PIGU: variants seen among roughly 807,000 people sequenced by gnomAD.
PIGU encodes the protein phosphatidylinositol glycan anchor biosynthesis class U.
A neutral mutation model predicts 49.9 loss-of-function variants in PIGU; 24 were observed. The observed-to-expected ratio is 0.48, with a 90% CI of 0.35 to 0.68. PIGU has a LOEUF of 0.68. Among genes scored for constraint, PIGU ranks in the 30% least tolerant of loss-of-function variants. PIGU has a pLI of 0.01. For synonymous variants in PIGU, 220 were observed against 205.7 expected (o/e 1.07, Z -0.59); for missense variants, 490 against 532.6 (o/e 0.92, Z 0.79).
At chr20:34,669,367 A>G (rs1206379321) in intron 1 of PIGU, among the ~76,000 whole-genome samples, 1 of 152,126 alleles carries the variant, frequency 6.6e-6, no homozygotes, top group Admixed American at 6.6e-5. Context: ...AATGATTTCA[A>G]GTAAAAAGCT....
intron 7 of PIGU, among the ~76,000 whole-genome samples, chr20:34,590,731 A>G (rs1050593029): frequency 6.6e-6 from 1 of 151,732 alleles, no homozygotes; most frequent in African/African-American, 2.4e-5. Flanking sequence ...CTTAAAATAT[A>G]AGACACAGAG....
chr20:34,590,770 C>A (rs1472970810), intron 7 of PIGU, among the ~76,000 whole-genome samples: 1 of 152,108 alleles, frequency 6.6e-6, no homozygotes, highest in Non-Finnish European at 1.5e-5. Context: ...TGCCTGTAAT[C>A]CCAGCACTTT....
chr20:34,641,599 G>C lies in PIGU; in HGVS notation c.318+2565C>G, dbSNP rs185220720. Reference sequence around the variant, plus strand: ...AGTCCGCAGGCTAACAGCTGGAGAGGGGGTGGGGGTGCAGTCCCCTCTCTG... The same window carrying C: ...AGTCCGCAGGCTAACAGCTGGAGAGCGGGTGGGGGTGCAGTCCCCTCTCTG... On this transcript the variant is annotated intron_variant, in intron 4 of 11. Coordinates refer to ENST00000217446, the MANE Select transcript of PIGU (RefSeq NM_080476.5). Among the ~76,000 whole-genome samples, 9 of 152,228 alleles carry C rather than the reference G, an allele frequency of 5.9e-5. No homozygotes were observed. In the East Asian group the frequency reaches 1.4e-3, roughly 23 times the overall value.
intron 7 of PIGU, 50 bp from the exon 8 acceptor site, chr20:34,588,657 G>C (rs747836195): frequency 1.3e-6 from 2 of 1,536,248 alleles, no homozygotes; most frequent in Non-Finnish European, 1.8e-6. Context: ...ACAACAGAGG[G>C]CAGCTATTAG....
At chr20:34,576,592 C>T (rs759867745) in intron 10 of PIGU, among the ~76,000 whole-genome samples, 3 of 152,166 alleles carry the variant, frequency 2.0e-5, no homozygotes, top group Non-Finnish European at 4.4e-5. Context: ...CAGACCTTCT[C>T]TTCTGCCTCC....
chr20:34,620,741 G>A (rs910177951), intron 6 of PIGU, among the ~76,000 whole-genome samples: 1 of 150,470 alleles, frequency 6.6e-6, no homozygotes, highest in Non-Finnish European at 1.5e-5. Flanking sequence ...AACCCGGGAG[G>A]CAGAGCTTGC....
At chr20:34,617,895 G>A (rs1196169180) in intron 6 of PIGU, among the ~76,000 whole-genome samples, 3 of 152,124 alleles carry the variant, frequency 2.0e-5, no homozygotes, top group South Asian at 2.1e-4. Context: ...TGCTATTCTC[G>A]TAATAGTGAA....
Position 34,575,084 on chromosome 20 carries a change from C to A in PIGU, c.1194+20G>T. 6.2e-7 allele frequency: 1 copy of A among 1,612,860 alleles called. No homozygotes were observed. The highest frequency in any genetic ancestry group is 1.1e-5 in the South Asian group (1 of 90,980). Reference sequence around the variant, plus strand: ...AATGAATTCCTGTCCCCAAGCTGACCCCCATGCTGTCCCTCTTACCTGCCC... The same window carrying A: ...AATGAATTCCTGTCCCCAAGCTGACACCCATGCTGTCCCTCTTACCTGCCC... On this transcript the variant is annotated intron_variant, in intron 11 of 11. Coordinates refer to ENST00000217446, the MANE Select transcript of PIGU (RefSeq NM_080476.5).
intron 2 of PIGU, among the ~76,000 whole-genome samples, chr20:34,648,834 C>G (rs1986439177): frequency 6.6e-6 from 1 of 152,066 alleles, no homozygotes. Context: ...CAGGCATGAG[C>G]CACTGCACCT....
At chr20:34,572,924 C>T (rs1459142277) in intron 11 of PIGU, among the ~76,000 whole-genome samples, 2 of 152,192 alleles carry the variant, frequency 1.3e-5, no homozygotes, top group Admixed American at 1.3e-4. Context: ...TGCAAAGACA[C>T]ATACCAAACT....
chr20:34,619,551 G>A (rs368014177), intron 6 of PIGU, among the ~76,000 whole-genome samples: 27 of 152,336 alleles, frequency 1.8e-4, no homozygotes, highest in Middle Eastern at 3.4e-3. Context: ...AGAGGATGGA[G>A]GCTAATGCTC....
At chr20:34,617,158 G>A (rs780630172) in intron 6 of PIGU, among the ~76,000 whole-genome samples, 21 of 152,218 alleles carry the variant, frequency 1.4e-4, no homozygotes, top group Non-Finnish European at 2.8e-4. Context: ...ATGCGGAAGC[G>A]AAATGTGGGG....
intron 1 of PIGU, among the ~76,000 whole-genome samples, chr20:34,658,041 G>A (rs1015276895): frequency 2.6e-5 from 4 of 151,208 alleles, no homozygotes; most frequent in Non-Finnish European, 2.9e-5. Flanking sequence ...CTCTGATGCC[G>A]AGCCGAAGCT....
intron 11 of PIGU, among the ~76,000 whole-genome samples, chr20:34,566,517 C>T (rs974108474): frequency 6.6e-6 from 1 of 152,140 alleles, no homozygotes; most frequent in Non-Finnish European, 1.5e-5. Flanking sequence ...AGAAGTAGAA[C>T]GAAACCCTCA....
intron 11 of PIGU, chr20:34,562,685 G>C (rs1982578430): frequency 1.5e-5 from 11 of 730,558 alleles, no homozygotes; most frequent in Non-Finnish European, 2.3e-5. Context: ...CCAGAAAGGT[G>C]GTCTGCCTGG....
chr20:34,630,881 G>A (rs1235373321), intron 6 of PIGU, among the ~76,000 whole-genome samples: 2 of 152,070 alleles, frequency 1.3e-5, no homozygotes, highest in African/African-American at 4.8e-5. Context: ...CTGGCCTCAA[G>A]CAATCCTCCC....
intron 1 of PIGU, among the ~76,000 whole-genome samples, chr20:34,658,682 GC>G: frequency 6.7e-6 from 1 of 149,842 alleles, no homozygotes; most frequent in Non-Finnish European, 1.5e-5. Context: ...CTGCCCAGCC[GC>G]CCCGTCTGAG....
At chr20:34,636,991 G>A (rs1320135673) in intron 5 of PIGU, among the ~76,000 whole-genome samples, 1 of 152,122 alleles carries the variant, frequency 6.6e-6, no homozygotes, top group African/African-American at 2.4e-5. Flanking sequence ...TTCTATTAAG[G>A]TAGATCCCAC....
intron 1 of PIGU, among the ~76,000 whole-genome samples, chr20:34,667,612 T>A (rs966355936): frequency 2.0e-5 from 3 of 152,100 alleles, no homozygotes; most frequent in African/African-American, 7.2e-5. Flanking sequence ...AATATCCAAA[T>A]CTATACTGAC....
Sources: gnomAD v4.1 joint callset for allele counts (sites outside exome capture counted in the v4.1 genomes callset) on GRCh38, gnomAD v4.1.1 for gene constraint, MANE v1.5 for transcripts, NCBI Gene and HGNC (gene_info 2026-07-23, HGNC 2026-07-21) for gene names.